NR5A2: variants seen among roughly 807,000 people sequenced by gnomAD.
NR5A2 encodes CYP7A promoter-binding factor.
In NR5A2, 26 loss-of-function variants were observed where a neutral mutation model predicts 62.7. That is an observed-to-expected ratio of 0.41 (90% CI 0.30 to 0.58). NR5A2 has a LOEUF of 0.58. Ranked by LOEUF, NR5A2 falls within the 20% of genes least tolerant of loss-of-function variation. NR5A2 has a pLI of 0.22. For synonymous variants in NR5A2, 246 were observed against 241.7 expected, an observed-to-expected ratio of 1.02 and a Z score of -0.16; for missense variants, 541 against 669.1, an observed-to-expected ratio of 0.81 and a Z score of 2.11.
chr1:200,142,168 G>GT (rs1233596179), intron 7 of NR5A2, among the ~76,000 whole-genome samples: 13 of 86,030 alleles, frequency 1.5e-4, no homozygotes, highest in African/African-American at 6.4e-4. Context: ...TTGAATAATT[G>GT]TTTTTTGTTT....
intron 7 of NR5A2, among the ~76,000 whole-genome samples, chr1:200,139,258 T>G (rs1667352519): frequency 6.6e-6 from 1 of 152,244 alleles, no homozygotes; most frequent in Non-Finnish European, 1.5e-5. Context: ...ATGCCCTTAT[T>G]ATTTGAAATG....
chr1:200,117,296 A>C (rs12041297), intron 6 of NR5A2, among the ~76,000 whole-genome samples: 18,082 of 152,284 alleles, frequency 0.12, 1,190 homozygotes, highest in Non-Finnish European at 0.15. Flanking sequence ...GGAGATCTGA[A>C]TGTTGTTTCA....
intron 6 of NR5A2, 44 bp downstream of exon 6, chr1:200,111,365 A>T: frequency 6.4e-7 from 1 of 1,570,996 alleles, no homozygotes; most frequent in Non-Finnish European, 8.6e-7. Flanking sequence ...TCTTTTTATT[A>T]AGCATGTTCA....
chr1:200,170,003 G>A (rs1654097470), intron 7 of NR5A2, among the ~76,000 whole-genome samples: 2 of 152,236 alleles, frequency 1.3e-5, no homozygotes, highest in Non-Finnish European at 2.9e-5. Context: ...AAATCCAGAT[G>A]TGGGACAATG....
intron 7 of NR5A2, 34 bp from the exon 8 acceptor site, chr1:200,173,927 GAA>G: frequency 7.3e-7 from 1 of 1,376,364 alleles, no homozygotes; most frequent in Non-Finnish European, 9.5e-7. Context: ...AAATGCTATT[GAA>G]ATGTTGCTTT....
chr1:200,073,694 C>A (rs1332055037), intron 5 of NR5A2, among the ~76,000 whole-genome samples: 1 of 151,948 alleles, frequency 6.6e-6, no homozygotes, highest in Non-Finnish European at 1.5e-5. Context: ...AACACACACA[C>A]ACACACCACA....
At chr1:200,154,666 C>T (rs772242578) in intron 7 of NR5A2, among the ~76,000 whole-genome samples, 1 of 152,116 alleles carries the variant, frequency 6.6e-6, no homozygotes, top group Non-Finnish European at 1.5e-5. Context: ...CTGACCTGGG[C>T]AACATAGTGA....
chr1:200,089,539 C>T (rs370930751), intron 5 of NR5A2, among the ~76,000 whole-genome samples: 5 of 152,206 alleles, frequency 3.3e-5, no homozygotes, highest in African/African-American at 7.2e-5. Context: ...GGCACCACCT[C>T]GGCTCACTGC....
At chr1:200,106,092 G>A (rs1665653022) in intron 5 of NR5A2, among the ~76,000 whole-genome samples, 1 of 147,166 alleles carries the variant, frequency 6.8e-6, no homozygotes, top group South Asian at 2.1e-4. Context: ...GAGTCTTGCT[G>A]TGTGGCCCAG....
intron 7 of NR5A2, among the ~76,000 whole-genome samples, chr1:200,158,901 C>CT (rs111640682): frequency 0.38 from 54,625 of 144,812 alleles, 12,082 homozygotes; most frequent in African/African-American, 0.64. Context: ...ATGTTTGATT[C>CT]TTTTTTTTTT....
Position 200,175,864 on chromosome 1 carries a change from AGTCCC to A in NR5A2, c.*1655_*1659del, listed in dbSNP as rs1207069219. 1 of 152,610 alleles carries A rather than the reference AGTCCC, an allele frequency of 6.6e-6. No individual in the cohort carries two copies. The highest frequency in any genetic ancestry group is 1.5e-5 in the Non-Finnish European group (1 of 68,026). 9.5% of individuals were successfully genotyped at this position (152,610 alleles called of 1,614,324 possible). On this transcript the variant is annotated 3_prime_UTR_variant, in exon 8 of 8. Coordinates refer to ENST00000367362, the MANE Select transcript of NR5A2 (RefSeq NM_205860.3). The stretch of plus-strand genomic sequence containing the variant: ...ACTGTAAAAAATAAAAGTATCTCCT[AGTCCC>A]TTAATTTTTTCATAAATATTTCTGG...
chr1:200,115,912 C>T lies in NR5A2; in HGVS notation c.1230+4591C>T, dbSNP rs140200169. Among the ~76,000 whole-genome samples, 1,097 of 151,818 alleles carry T rather than the reference C, an allele frequency of 7.2e-3. 8 individuals are homozygous for T. The highest frequency in any genetic ancestry group is 0.017 in the Middle Eastern group (5 of 294). On this transcript the variant is annotated intron_variant, in intron 6 of 7. Transcript: ENST00000367362. ...TTAAAATCCTTCTAGGTCAGAGGAA[C>T]AGTGACAGGCAATTACTAGATGAAA...
chr1:200,132,202 A>T (rs1227388961), intron 7 of NR5A2, among the ~76,000 whole-genome samples: 1 of 151,958 alleles, frequency 6.6e-6, no homozygotes, highest in East Asian at 1.9e-4. Flanking sequence ...TAGAGACGGG[A>T]TTTCACCATG....
intron 5 of NR5A2, among the ~76,000 whole-genome samples, chr1:200,055,334 T>C (rs1303160310): frequency 2.0e-5 from 3 of 152,170 alleles, no homozygotes; most frequent in African/African-American, 7.2e-5. Flanking sequence ...TAGCTGGGAT[T>C]ATAGCGCCTG....
rs576593526 is a variant in NR5A2 at position 200,095,511 on chromosome 1, C to G, written c.1111-15691C>G. Among the ~76,000 whole-genome samples, 23 of 152,248 alleles carry G rather than the reference C, an allele frequency of 1.5e-4. No individual in the cohort carries two copies. In the South Asian group the frequency reaches 4.1e-3, roughly 27 times the overall value. On this transcript the variant is annotated intron_variant, in intron 5 of 7. Transcript: ENST00000367362. Reference sequence around the variant, plus strand: ...GTCTCCTACGAATGGGTTATGATTACTACTTGGTATCTTCTAAGTAAAAGT... The same window carrying G: ...GTCTCCTACGAATGGGTTATGATTAGTACTTGGTATCTTCTAAGTAAAAGT...
At chr1:200,046,212 G>A (rs982989265) in intron 4 of NR5A2, among the ~76,000 whole-genome samples, 2 of 152,104 alleles carry the variant, frequency 1.3e-5, no homozygotes, top group African/African-American at 4.8e-5. Flanking sequence ...CATTAGCAAA[G>A]GTCTGAAAAG....
chr1:200,071,533 A>G (rs1190584078), intron 5 of NR5A2, among the ~76,000 whole-genome samples: 1 of 152,260 alleles, frequency 6.6e-6, no homozygotes, highest in East Asian at 1.9e-4. Flanking sequence ...AAATTGTCCC[A>G]TATTGAGAAT....
chr1:200,115,978 G>A (rs894072902), intron 6 of NR5A2, among the ~76,000 whole-genome samples: 2 of 151,566 alleles, frequency 1.3e-5, no homozygotes, highest in African/African-American at 4.8e-5. Context: ...TCAGCCAGAA[G>A]AAATACAATT....
In NR5A2 at chr1:200,048,060, A is replaced by G; in HGVS notation, c.464-112A>G. 6.8e-6 allele frequency: 7 copies of G among 1,030,404 alleles called. No individual in the cohort carries two copies. Among genetic ancestry groups the G allele is most frequent in the Non-Finnish European group, 9.9e-6 (7 of 706,758 alleles). The allele number at this position is 1,030,404 out of a possible 1,614,324, so 63.8% of individuals were successfully genotyped here. On this transcript the variant is annotated intron_variant, in intron 4 of 7. Coordinates refer to ENST00000367362, the MANE Select transcript of NR5A2 (RefSeq NM_205860.3). This position sits in a 1 kb window ranked among gnomAD's most constrained non-coding sequence, Gnocchi z 4.8. Reference sequence around the variant, plus strand: ...TTTGTGGGCTATTGTAACGAAAACAACCACACACATACCACTTCTTGTCGA... The same window carrying G: ...TTTGTGGGCTATTGTAACGAAAACAGCCACACACATACCACTTCTTGTCGA...
Sources: gnomAD v4.1 joint callset for allele counts (sites outside exome capture counted in the v4.1 genomes callset) on GRCh38, gnomAD v4.1.1 for gene constraint, Gnocchi (gnomAD v3.1) non-coding constraint, MANE v1.5 for transcripts, NCBI Gene and HGNC (gene_info 2026-07-23, HGNC 2026-07-21) for gene names.